Variants in TRAK1 observed in about 807,000 individuals in gnomAD.
TRAK1 encodes the protein trafficking kinesin-binding protein 1.
In TRAK1, 33 loss-of-function variants were observed where a neutral mutation model predicts 92.1. The observed-to-expected ratio is 0.36, with a 90% CI of 0.27 to 0.48. The LOEUF (loss-of-function observed/expected upper bound fraction) is 0.48, where lower values mean the gene tolerates loss of function less well. Ranked by LOEUF, TRAK1 falls within the 20% of genes least tolerant of loss-of-function variation. The pLI, the probability that TRAK1 is intolerant of heterozygous loss-of-function variation, is 0.99. For missense variants in TRAK1, 1,123 were observed against 1,257.9 expected (o/e 0.89, Z 1.62); for synonymous variants, 521 against 517.3 (o/e 1.01, Z -0.10).
At chr3:42,189,245 C>T (rs1705330880) in intron 6 of TRAK1, 121 bp downstream of exon 6, 2 of 716,078 alleles carry the variant, frequency 2.8e-6, no homozygotes, top group Non-Finnish European at 4.9e-6. Context: ...AAGAGCTGTA[C>T]CAGGCGCTCG....
intron 14 of TRAK1, chr3:42,217,469 G>C (rs748320125): frequency 1.0e-6 from 1 of 985,210 alleles, no homozygotes; most frequent in Non-Finnish European, 1.2e-6. Flanking sequence ...TATAAGATGG[G>C]TTTGCTTCTG....
intron 8 of TRAK1, 77 bp from the exon 9 acceptor site, chr3:42,193,747 G>C: frequency 7.0e-7 from 1 of 1,421,604 alleles, no homozygotes; most frequent in Non-Finnish European, 1.0e-6. Flanking sequence ...GTTCATTACA[G>C]ATTAGGTTAA....
intron 2 of TRAK1, chr3:42,146,282 C>T (rs574405637): frequency 3.3e-6 from 1 of 302,292 alleles, no homozygotes; most frequent in East Asian, 8.4e-5. Flanking sequence ...ACCCACTTGT[C>T]TTGCCATTCT....
intron 2 of TRAK1, among the ~76,000 whole-genome samples, chr3:42,140,557 G>A (rs759360915): frequency 3.3e-5 from 5 of 152,194 alleles, no homozygotes; most frequent in African/African-American, 4.8e-5. Context: ...AACCCGGGAG[G>A]TGGAGGTTGC....
At chr3:42,072,776 G>A (rs527386426) in intron 1 of TRAK1, among the ~76,000 whole-genome samples, 2 of 152,230 alleles carry the variant, frequency 1.3e-5, no homozygotes, top group African/African-American at 4.8e-5. Flanking sequence ...GCATGTGTTG[G>A]GGTGTTTGCT....
chr3:42,036,270 G>A (rs1245547972), intron 1 of TRAK1, among the ~76,000 whole-genome samples: 2 of 152,136 alleles, frequency 1.3e-5, no homozygotes, highest in East Asian at 3.8e-4. Context: ...GATTTTTGTT[G>A]GATTCATTTT....
chr3:42,031,126 C>G (rs1702130558), intron 1 of TRAK1, among the ~76,000 whole-genome samples: 1 of 150,770 alleles, frequency 6.6e-6, no homozygotes, highest in Non-Finnish European at 1.5e-5. Flanking sequence ...GCCTCCACCT[C>G]CCAGATTCGA....
At chr3:42,090,464 T>A (rs1704956733), upstream of TRAK1, among the ~76,000 whole-genome samples, 1 of 152,170 alleles carries the variant, frequency 6.6e-6, no homozygotes, top group East Asian at 1.9e-4. Context: ...GGCGGGCAGA[T>A]CACCTGAGGT....
At chr3:42,047,618 A>G (rs1461423972) in intron 1 of TRAK1, among the ~76,000 whole-genome samples, 2 of 152,170 alleles carry the variant, frequency 1.3e-5, no homozygotes, top group Non-Finnish European at 2.9e-5. Context: ...AGTCAGGACA[A>G]AAGAAGGAAG....
upstream of TRAK1, among the ~76,000 whole-genome samples, chr3:42,083,739 G>A (rs1471018511): frequency 6.6e-6 from 1 of 152,116 alleles, no homozygotes; most frequent in Non-Finnish European, 1.5e-5. Context: ...GCCGGGTATG[G>A]TGGTGTGCGC....
chr3:42,209,529 A>G (rs1708723897), intron 13 of TRAK1, among the ~76,000 whole-genome samples: 1 of 152,014 alleles, frequency 6.6e-6, no homozygotes, highest in East Asian at 1.9e-4. Context: ...TAAAAAAAAA[A>G]TGGTTGATTT....
intron 2 of TRAK1, among the ~76,000 whole-genome samples, chr3:42,132,734 C>A (rs1396816618): frequency 6.6e-6 from 1 of 152,088 alleles, no homozygotes; most frequent in Non-Finnish European, 1.5e-5. Context: ...TTGGCGTGCC[C>A]AGCCTGCTTC....
intron 1 of TRAK1, among the ~76,000 whole-genome samples, chr3:42,112,863 T>G (rs1027432032): frequency 2.0e-5 from 3 of 152,062 alleles, no homozygotes; most frequent in African/African-American, 7.2e-5. Context: ...CTCTAACTGC[T>G]GTGCTCAAGG....
intron 1 of TRAK1, among the ~76,000 whole-genome samples, chr3:42,036,391 G>T (rs1280968421): frequency 6.6e-6 from 1 of 152,202 alleles, no homozygotes; most frequent in Non-Finnish European, 1.5e-5. Context: ...TCTTCACTTA[G>T]TGGGTTTTCA....
chr3:42,194,922 C>T lies in TRAK1; in HGVS notation c.1094C>T (p.Ser365Leu), dbSNP rs374334482. Reference protein sequence around the residue: ...MPNTTSRRYHSLGLFPMDSLA... With the variant: ...MPNTTSRRYHLLGLFPMDSLA... Reference sequence around the variant, plus strand: ...AATACCACGTCTCGGCGCTACCACTCACTGGGCCTGTTTCCCATGGTGAGC... The same window carrying T: ...AATACCACGTCTCGGCGCTACCACTTACTGGGCCTGTTTCCCATGGTGAGC... Residue 365 changes from serine to leucine, a missense_variant, in exon 10 of 16, where the codon TCA becomes TTA. Transcript: ENST00000327628. The T allele has an allele frequency of 5.0e-6, 8 of 1,613,738 alleles. No individual in the cohort carries two copies. Among genetic ancestry groups the T allele is most frequent in the Non-Finnish European group, 6.8e-6 (8 of 1,179,890 alleles).
rs868128933 is a variant in TRAK1 at position 42,224,111 on chromosome 3, A to T, written c.*374A>T. ...TTATCCCATGGATAGGAAACCAGTGAATTCCGTGGCTGGCACACCACGAGC... is the reference window on the plus strand; with the variant it reads ...TTATCCCATGGATAGGAAACCAGTGTATTCCGTGGCTGGCACACCACGAGC... On this transcript the variant is annotated 3_prime_UTR_variant, in exon 16 of 16. Coordinates refer to ENST00000327628, the MANE Select transcript of TRAK1 (RefSeq NM_001042646.3). The T allele has an allele frequency of 6.0e-5, 28 of 465,770 alleles. No homozygotes were observed. Among genetic ancestry groups the T allele is most frequent in the African/African-American group, 5.2e-4 (26 of 50,458 alleles). 28.9% of individuals were successfully genotyped at this position (465,770 alleles called of 1,614,324 possible). A position where few individuals can be genotyped will look rare whatever the true frequency, so the allele number is the denominator to read the frequency against.
chr3:42,223,345 G>C lies in TRAK1; in HGVS notation c.2470G>C (p.Glu824Gln). Residue 824 changes from glutamate (E) to glutamine (Q), a missense_variant, in exon 16 of 16, where the codon GAA (glutamate) becomes CAA (glutamine). Coordinates refer to ENST00000327628, the MANE Select transcript of TRAK1 (RefSeq NM_001042646.3). The surrounding 1 kb of genome is among the most constrained non-coding windows in gnomAD (Gnocchi z 6.1). ...CAGCTCCATCCTGAGGGAAGTGAGA[G>C]AAAAGAACGTCCGCAGCAGCGAGAG... The part of the protein sequence containing the change: ...PASSILREVR[E>Q]KNVRSSESQT... 6.2e-7 allele frequency: 1 copy of C among 1,614,200 alleles called. No individual in the cohort carries two copies. Among genetic ancestry groups the C allele is most frequent in the Non-Finnish European group, 8.5e-7 (1 of 1,180,036 alleles).
At chr3:42,089,017 T>A (rs1264458986), upstream of TRAK1, among the ~76,000 whole-genome samples, 1 of 152,254 alleles carries the variant, frequency 6.6e-6, no homozygotes, top group Non-Finnish European at 1.5e-5. Flanking sequence ...TGTCTCAGAC[T>A]GACTCCACAT....
At chr3:42,179,337 C>G (rs977417524) in intron 3 of TRAK1, among the ~76,000 whole-genome samples, 2 of 152,210 alleles carry the variant, frequency 1.3e-5, no homozygotes, top group African/African-American at 4.8e-5. Context: ...TTCTTCTGTT[C>G]TCTTGCTATG....
Sources: allele counts gnomAD v4.1 joint callset (sites outside exome capture counted in the v4.1 genomes callset), GRCh38; gene constraint gnomAD v4.1.1; non-coding constraint Gnocchi (gnomAD v3.1); transcripts MANE v1.5; gene names NCBI Gene and HGNC (gene_info 2026-07-23, HGNC 2026-07-21).